Variants in CSMD1 observed in about 807,000 individuals in gnomAD.
The protein encoded by CSMD1 is CUB and sushi domain-containing protein 1.
A neutral mutation model predicts 417.5 loss-of-function variants in CSMD1; 213 were observed. The ratio of observed to expected loss-of-function variants is 0.51; its 90% CI spans 0.46 to 0.57. The LOEUF (loss-of-function observed/expected upper bound fraction) is 0.57. Ranked by LOEUF, CSMD1 falls within the 20% of genes least tolerant of loss-of-function variation. The pLI, the probability that CSMD1 is intolerant of heterozygous loss-of-function variation, is 0.00. For missense variants in CSMD1, 6,923 were observed against 4,529.7 expected (o/e 1.53, Z -15.17); for synonymous variants, 2,862 against 1,736.8 (o/e 1.65, Z -16.11).
At chr8:3,515,674 A>T (rs1797254258) in intron 10 of CSMD1, among the ~76,000 whole-genome samples, 1 of 152,196 alleles carries the variant, frequency 6.6e-6, no homozygotes, top group Non-Finnish European at 1.5e-5. Flanking sequence ...AACTTGGAAC[A>T]AGTCAATCAT....
At chr8:3,173,591 G>C (rs144505556) in intron 37 of CSMD1, among the ~76,000 whole-genome samples, 1,735 of 152,284 alleles carry the variant, frequency 0.011, 21 homozygotes, top group Middle Eastern at 0.045. Context: ...CTTAACATGA[G>C]GCAATGAAGA....
intron 40 of CSMD1, among the ~76,000 whole-genome samples, chr8:3,149,968 C>T (rs568008348): frequency 6.1e-4 from 93 of 152,254 alleles, no homozygotes; most frequent in African/African-American, 2.0e-3. Context: ...TAAACTATCC[C>T]GGGTTACACA....
At chr8:3,322,039 G>C (rs574829829) in intron 23 of CSMD1, among the ~76,000 whole-genome samples, 1 of 152,122 alleles carries the variant, frequency 6.6e-6, no homozygotes, top group East Asian at 1.9e-4. Context: ...GTGTGGTGAC[G>C]TATTTACATA....
chr8:3,180,045 T>C (rs1585572154), intron 37 of CSMD1, among the ~76,000 whole-genome samples: 2 of 152,202 alleles, frequency 1.3e-5, no homozygotes, highest in African/African-American at 4.8e-5. Flanking sequence ...AAAGATCACT[T>C]ATTAAAGCTT....
intron 5 of CSMD1, among the ~76,000 whole-genome samples, chr8:3,978,114 CAA>C (rs1404712842): frequency 6.6e-6 from 1 of 152,154 alleles, no homozygotes; most frequent in Non-Finnish European, 1.5e-5. Context: ...ATGGGGATAA[CAA>C]AACGAAAAGC....
At chr8:4,629,763 A>G (rs1172113024) in intron 2 of CSMD1, among the ~76,000 whole-genome samples, 1 of 152,194 alleles carries the variant, frequency 6.6e-6, no homozygotes, top group African/African-American at 2.4e-5. Context: ...ATTGTATAAA[A>G]CAGTGTCAAC....
intron 28 of CSMD1, 64 bp from the exon 29 acceptor site, chr8:3,219,506 G>C: frequency 8.5e-7 from 1 of 1,169,984 alleles, no homozygotes; most frequent in Non-Finnish European, 1.1e-6. Context: ...AGAGTGGTAA[G>C]CCTTTGAGCT....
intron 57 of CSMD1, among the ~76,000 whole-genome samples, chr8:2,971,278 G>A (rs1804432609): frequency 6.6e-6 from 1 of 151,986 alleles, no homozygotes; most frequent in African/African-American, 2.4e-5. Flanking sequence ...TACCATCTCG[G>A]TAACGCCTCT....
intron 10 of CSMD1, among the ~76,000 whole-genome samples, chr8:3,543,418 G>T (rs1798526593): frequency 6.6e-6 from 1 of 152,154 alleles, no homozygotes; most frequent in South Asian, 2.1e-4. Context: ...ATGAACAGGG[G>T]CAAGTGCAGA....
chr8:4,451,364 A>G (rs1370152367), intron 2 of CSMD1, among the ~76,000 whole-genome samples: 1 of 152,166 alleles, frequency 6.6e-6, no homozygotes. Context: ...TAATAAGGCA[A>G]TCACAAGTGT....
At chr8:4,752,732 G>A (rs907677874) in intron 1 of CSMD1, among the ~76,000 whole-genome samples, 5 of 152,174 alleles carry the variant, frequency 3.3e-5, no homozygotes, top group Admixed American at 6.5e-5. Flanking sequence ...CGAAAAAGTT[G>A]CTTCTTGGAT....
intron 5 of CSMD1, among the ~76,000 whole-genome samples, chr8:3,881,678 A>T (rs1414296429): frequency 6.6e-6 from 1 of 152,158 alleles, no homozygotes; most frequent in Non-Finnish European, 1.5e-5. Context: ...GAAAACAAAA[A>T]AAAACAATTT....
chr8:4,007,776 G>C (rs1816241122), intron 4 of CSMD1, among the ~76,000 whole-genome samples: 1 of 151,870 alleles, frequency 6.6e-6, no homozygotes, highest in African/African-American at 2.4e-5. Context: ...TCTTTAACAA[G>C]TGTTGGGACT....
intron 3 of CSMD1, among the ~76,000 whole-genome samples, chr8:4,257,698 A>T (rs1803561393): frequency 6.6e-6 from 1 of 152,176 alleles, no homozygotes; most frequent in Non-Finnish European, 1.5e-5. Context: ...ATGGATTCTA[A>T]CGTCAGTGTC....
intron 25 of CSMD1, among the ~76,000 whole-genome samples, chr8:3,297,062 C>T (rs1267651576): frequency 2.6e-5 from 4 of 152,114 alleles, no homozygotes; most frequent in African/African-American, 9.7e-5. Flanking sequence ...AGTACCTGGT[C>T]ACATATGTTT....
chr8:3,973,808 C>A (rs1464730527), intron 5 of CSMD1, among the ~76,000 whole-genome samples: 1 of 152,106 alleles, frequency 6.6e-6, no homozygotes, highest in East Asian at 1.9e-4. Context: ...GAAACCAGCC[C>A]TGGCCTTTTA....
chr8:4,087,100 G>A (rs1325314217), intron 3 of CSMD1, among the ~76,000 whole-genome samples: 1 of 152,150 alleles, frequency 6.6e-6, no homozygotes, highest in South Asian at 2.1e-4. Context: ...TTTCTTCCTG[G>A]AGCAACTGGC....
intron 10 of CSMD1, among the ~76,000 whole-genome samples, chr8:3,551,514 C>T (rs141921659): frequency 1.6e-4 from 24 of 150,930 alleles, no homozygotes; most frequent in East Asian, 3.9e-4. Context: ...AGACCCTTTA[C>T]GTCCCTAACC....
intron 1 of CSMD1, among the ~76,000 whole-genome samples, chr8:4,926,441 C>T (rs899259049): frequency 8.5e-5 from 13 of 152,118 alleles, no homozygotes; most frequent in African/African-American, 2.2e-4. Context: ...TTAATACTGG[C>T]GCTTGCATCT....
Sources: gnomAD v4.1 joint callset for allele counts (sites outside exome capture counted in the v4.1 genomes callset) on GRCh38, gnomAD v4.1.1 for gene constraint, MANE v1.5 for transcripts, NCBI Gene and HGNC (gene_info 2026-07-23, HGNC 2026-07-21) for gene names.